DLGAP4: variants seen among roughly 807,000 people sequenced by gnomAD.
DLGAP4 encodes the protein DLG associated protein 4, also known as disks large-associated protein 4.
Under a neutral mutation model 86.9 loss-of-function variants are expected in DLGAP4, and 18 were observed. That is an observed-to-expected ratio of 0.21 (90% CI 0.14 to 0.31). The LOEUF (loss-of-function observed/expected upper bound fraction) is 0.31. Ranked by LOEUF, DLGAP4 falls within the 10% of genes least tolerant of loss-of-function variation. DLGAP4 has a pLI of 1.00. For synonymous variants in DLGAP4, 548 were observed against 574.3 expected (o/e 0.95, Z 0.65); for missense variants, 1,085 against 1,362.6 (o/e 0.80, Z 3.21).
In DLGAP4 at chr20:36,500,746, T is replaced by A; in HGVS notation, c.2512+135T>A. 1.3e-6 allele frequency: 1 copy of A among 785,584 alleles called. No homozygotes were observed. The highest frequency in any genetic ancestry group is 1.8e-6 in the Non-Finnish European group (1 of 556,202). The allele number at this position is 785,584 out of a possible 1,614,324, so 48.7% of individuals were successfully genotyped here. On this transcript the variant is annotated intron_variant, in intron 10 of 12. Transcript: ENST00000339266. The surrounding 1 kb of genome is among the most constrained non-coding windows in gnomAD (Gnocchi z 4.6). ...TTCTTGGGCTAGTTTTTGAGCTCCC[T>A]TCTTACTTTCTTCGCATTCTTCCAT...
intron 1 of DLGAP4, among the ~76,000 whole-genome samples, chr20:36,346,840 T>C (rs1555893050): frequency 1.3e-5 from 2 of 152,158 alleles, no homozygotes; most frequent in Non-Finnish European, 2.9e-5. Flanking sequence ...ATGAAGTGAA[T>C]CCATGCTGAA....
intron 2 of DLGAP4, among the ~76,000 whole-genome samples, chr20:36,427,256 A>G (rs1229275688): frequency 6.6e-6 from 1 of 152,086 alleles, no homozygotes; most frequent in African/African-American, 2.4e-5. Flanking sequence ...AGGCAGGCGG[A>G]TCATGAAGTC....
intron 5 of DLGAP4, among the ~76,000 whole-genome samples, chr20:36,442,479 C>G (rs1170226526): frequency 6.6e-6 from 1 of 152,230 alleles, no homozygotes; most frequent in African/African-American, 2.4e-5. Context: ...TAGGCATGAG[C>G]CACTGCGCCC....
chr20:36,405,836 C>A (rs1387636697), intron 2 of DLGAP4, among the ~76,000 whole-genome samples: 2 of 152,142 alleles, frequency 1.3e-5, no homozygotes, highest in Non-Finnish European at 2.9e-5. Flanking sequence ...AGGCTGGGGA[C>A]CTCCAGAAAG....
chr20:36,378,192 G>C (rs560648717), intron 2 of DLGAP4, among the ~76,000 whole-genome samples: 3 of 152,164 alleles, frequency 2.0e-5, no homozygotes, highest in Non-Finnish European at 1.5e-5. Context: ...GGTTTGGGAC[G>C]GTAGATACCA....
chr20:36,479,045 T>G (rs559990593), intron 7 of DLGAP4, among the ~76,000 whole-genome samples: 1 of 152,156 alleles, frequency 6.6e-6, no homozygotes, highest in South Asian at 2.1e-4. Context: ...TGGGGCAGAG[T>G]TCTATGGACA....
intron 10 of DLGAP4, among the ~76,000 whole-genome samples, chr20:36,509,860 CTTT>C (rs796066122): frequency 6.9e-6 from 1 of 145,478 alleles, no homozygotes; most frequent in Non-Finnish European, 1.5e-5. Flanking sequence ...TATTGCTTGT[CTTT>C]TTTTTTTTTT....
chr20:36,309,057 A>G (rs2065030482), intron 1 of DLGAP4, among the ~76,000 whole-genome samples: 2 of 147,322 alleles, frequency 1.4e-5, no homozygotes, highest in African/African-American at 5.1e-5. Context: ...GGAACAGGCC[A>G]CGTTCCCTCC....
At chr20:36,335,088 TGGGTG>T (rs1450657928) in intron 1 of DLGAP4, among the ~76,000 whole-genome samples, 20 of 152,066 alleles carry the variant, frequency 1.3e-4, no homozygotes, top group Non-Finnish European at 2.5e-4. Flanking sequence ...GCCCCTGGGG[TGGGTG>T]GGAAGAAGCC....
At chr20:36,444,217 C>T (rs1376145620) in intron 6 of DLGAP4, among the ~76,000 whole-genome samples, 1 of 152,224 alleles carries the variant, frequency 6.6e-6, no homozygotes, top group Admixed American at 6.5e-5. Flanking sequence ...GTAGAACTTT[C>T]TGTAATGATG....
At chr20:36,468,463 G>C (rs1053824619) in intron 7 of DLGAP4, among the ~76,000 whole-genome samples, 2 of 152,282 alleles carry the variant, frequency 1.3e-5, no homozygotes, top group African/African-American at 4.8e-5. Context: ...TACCATGGGA[G>C]GCAGCAGTGG....
Position 36,484,850 on chromosome 20 carries a change from G to A in DLGAP4, c.1649-11855G>A, listed in dbSNP as rs1478881933. On this transcript the variant is annotated intron_variant, in intron 7 of 12. Transcript: ENST00000339266. ...GGCCACTGCCGCTGCACGTGCACCT[G>A]CATTGTATTTCTTAAAATTATAAAT... Among the ~76,000 whole-genome samples, 7 of 152,364 alleles carry A rather than the reference G, an allele frequency of 4.6e-5. 1 individual carries two copies. The South Asian group carries it at 1.4e-3, about 32-fold the overall frequency.
intron 7 of DLGAP4, among the ~76,000 whole-genome samples, chr20:36,449,705 A>G (rs762408688): frequency 4.6e-5 from 7 of 152,220 alleles, no homozygotes; most frequent in Non-Finnish European, 1.0e-4. Context: ...ATTCTCTTCA[A>G]ATAAACCATC....
chr20:36,411,830 A>G (rs192517928), intron 2 of DLGAP4, among the ~76,000 whole-genome samples: 6 of 152,166 alleles, frequency 3.9e-5, no homozygotes, highest in African/African-American at 1.4e-4. Flanking sequence ...TTTGGCCATG[A>G]TTTTGTCTCT....
At chr20:36,427,427 GAGACCACACCATTGCACTC>G (rs2033005751) in intron 2 of DLGAP4, among the ~76,000 whole-genome samples, 1 of 147,460 alleles carries the variant, frequency 6.8e-6, no homozygotes, top group African/African-American at 2.5e-5. Context: ...GCAGTGAGCT[GAGACCACACCATTGCACTC>G]CAACCTGGGT....
rs548668553 is a variant in DLGAP4 at position 36,528,186 on chromosome 20, G to A, written c.*1155G>A. On this transcript the variant is annotated 3_prime_UTR_variant, in exon 13 of 13. Coordinates refer to ENST00000339266, the MANE Select transcript of DLGAP4 (RefSeq NM_001365621.2). ...CTCCCCCCGCCCCGCACTCCTAAGGGCCCATCTGCCCAGCCTCTGAGTTTT... is the reference window on the plus strand; with the variant it reads ...CTCCCCCCGCCCCGCACTCCTAAGGACCCATCTGCCCAGCCTCTGAGTTTT... 9 of 149,768 alleles carry A rather than the reference G, an allele frequency of 6.0e-5. No individual in the cohort carries two copies. The highest frequency in any genetic ancestry group is 1.8e-4 in the African/African-American group (7 of 39,862). 9.3% of individuals were successfully genotyped at this position (149,768 alleles called of 1,614,324 possible). A position where few individuals can be genotyped will look rare whatever the true frequency, so the allele number is the denominator to read the frequency against.
chr20:36,383,330 G>A (rs2031473471), intron 2 of DLGAP4, among the ~76,000 whole-genome samples: 1 of 152,188 alleles, frequency 6.6e-6, no homozygotes, highest in Non-Finnish European at 1.5e-5. Flanking sequence ...GACGGCCTCA[G>A]GGATGAGTGA....
At chr20:36,505,406 C>T (rs2036318292) in intron 10 of DLGAP4, among the ~76,000 whole-genome samples, 1 of 152,140 alleles carries the variant, frequency 6.6e-6, no homozygotes, top group South Asian at 2.1e-4. Flanking sequence ...ACAGTTGAGG[C>T]ACTGAGAAGC....
intron 1 of DLGAP4, among the ~76,000 whole-genome samples, chr20:36,337,747 GC>G (rs1318597039): frequency 3.3e-5 from 5 of 152,232 alleles, no homozygotes; most frequent in African/African-American, 1.2e-4. Context: ...GCAGCCCATG[GC>G]ATTGTGCCCT....
Sources: allele counts gnomAD v4.1 joint callset (sites outside exome capture counted in the v4.1 genomes callset), GRCh38; gene constraint gnomAD v4.1.1; non-coding constraint Gnocchi (gnomAD v3.1); transcripts MANE v1.5; gene names NCBI Gene and HGNC (gene_info 2026-07-23, HGNC 2026-07-21).